The following ASTN2 variants were observed in gnomAD, a reference collection of about 807,000 sequenced individuals.
ASTN2 encodes astrotactin-2.
In ASTN2, 54 loss-of-function variants were observed where a neutral mutation model predicts 139.8. The ratio of observed to expected loss-of-function variants is 0.39; its 90% CI spans 0.31 to 0.48. The LOEUF (loss-of-function observed/expected upper bound fraction) is 0.48, where lower values mean the gene tolerates loss of function less well. ASTN2 is among the 20% of genes least tolerant of loss of function. The pLI is 0.95. For synonymous variants in ASTN2, 756 were observed against 719.5 expected, an observed-to-expected ratio of 1.05 and a Z score of -0.81; for missense variants, 1,565 against 1,725.1, an observed-to-expected ratio of 0.91 and a Z score of 1.64.
chr9:117,338,703 C>T (rs74901656), intron 1 of ASTN2, among the ~76,000 whole-genome samples: 2,588 of 152,072 alleles, frequency 0.017, 78 homozygotes, highest in African/African-American at 0.057. Context: ...GCACTGAATA[C>T]GGGTGGATTA....
chr9:117,347,869 G>C (rs1171210188), intron 1 of ASTN2, among the ~76,000 whole-genome samples: 1 of 152,118 alleles, frequency 6.6e-6, no homozygotes, highest in African/African-American at 2.4e-5. Flanking sequence ...TGAAGGCCTA[G>C]GGACCTAAGT....
chr9:116,650,143 G>A (rs941132858), intron 17 of ASTN2, among the ~76,000 whole-genome samples: 1 of 152,166 alleles, frequency 6.6e-6, no homozygotes, highest in African/African-American at 2.4e-5. Context: ...TCTACCAGTG[G>A]AGGCCCAGGG....
intron 6 of ASTN2, 140 bp downstream of exon 6, chr9:117,039,679 G>A: frequency 2.5e-6 from 2 of 792,468 alleles, no homozygotes; most frequent in Non-Finnish European, 3.5e-6. Context: ...CCTCTTCCAA[G>A]GTCTTTAGAT....
At chr9:116,642,791 AATCTAGTTATATTTT>A in intron 17 of ASTN2, among the ~76,000 whole-genome samples, 1 of 152,134 alleles carries the variant, frequency 6.6e-6, no homozygotes, top group Non-Finnish European at 1.5e-5. Context: ...CTAAGACTCA[AATCTAGTTATATTTT>A]TCCTTGACCT....
intron 22 of ASTN2, chr9:116,437,305 A>G: frequency 2.1e-6 from 1 of 471,308 alleles, no homozygotes. Context: ...TGAGCTTATT[A>G]GCAGCACCAG....
At chr9:116,896,510 G>T (rs1210388836) in intron 10 of ASTN2, among the ~76,000 whole-genome samples, 1 of 152,020 alleles carries the variant, frequency 6.6e-6, no homozygotes, top group Non-Finnish European at 1.5e-5. Context: ...GTAGAGACAG[G>T]GTTTCACCAT....
intron 10 of ASTN2, among the ~76,000 whole-genome samples, chr9:116,912,595 G>C (rs766344326): frequency 6.6e-6 from 1 of 152,226 alleles, no homozygotes; most frequent in Admixed American, 6.5e-5. Flanking sequence ...TCTTCCCCCT[G>C]AAGTGTATTT....
At chr9:116,577,958 T>C (rs1024208669) in intron 19 of ASTN2, among the ~76,000 whole-genome samples, 6 of 151,966 alleles carry the variant, frequency 3.9e-5, no homozygotes, top group Non-Finnish European at 2.9e-5. Context: ...GAGGAGATCA[T>C]TGGGGGATGC....
intron 1 of ASTN2, among the ~76,000 whole-genome samples, chr9:117,380,636 G>A (rs933035263): frequency 1.3e-5 from 2 of 151,984 alleles, no homozygotes; most frequent in African/African-American, 4.8e-5. Flanking sequence ...TCTGGTCAGG[G>A]GTGGGGCTGC....
intron 19 of ASTN2, among the ~76,000 whole-genome samples, chr9:116,555,924 G>A (rs1852591503): frequency 6.6e-6 from 1 of 152,140 alleles, no homozygotes; most frequent in Admixed American, 6.5e-5. Flanking sequence ...TGAGTATACT[G>A]ACCCATCATT....
intron 5 of ASTN2, among the ~76,000 whole-genome samples, chr9:117,063,667 G>A (rs1363080323): frequency 6.6e-6 from 1 of 152,170 alleles, no homozygotes; most frequent in Non-Finnish European, 1.5e-5. Context: ...GTATTGCAAT[G>A]CTTTTAGTCC....
At chr9:117,260,565 A>G (rs938922935) in intron 2 of ASTN2, among the ~76,000 whole-genome samples, 8 of 152,196 alleles carry the variant, frequency 5.3e-5, no homozygotes, top group African/African-American at 1.7e-4. Flanking sequence ...AACAACAGCA[A>G]TGGTGTTGAG....
rs2281627 is a variant in ASTN2 at position 116,700,910 on chromosome 9, T to C, written c.2806+24861A>G. 49,604 of 166,942 alleles carry C rather than the reference T, an allele frequency of 0.3. 8,331 individuals carry two copies. The highest frequency in any genetic ancestry group is 0.42 in the Admixed American group (6,491 of 15,280). The allele number at this position is 166,942 out of a possible 1,614,324, so 10.3% of individuals were successfully genotyped here. A position where few individuals can be genotyped will look rare whatever the true frequency, so the allele number is the denominator to read the frequency against. On this transcript the variant is annotated intron_variant, in intron 16 of 22. Coordinates refer to ENST00000313400, the MANE Select transcript of ASTN2 (RefSeq NM_001365068.1). ...AGCCAAAAGCACTATTATGTAAAGATAATAATCCAAATCTTTCTCCCAAAT... is the reference window on the plus strand; with the variant it reads ...AGCCAAAAGCACTATTATGTAAAGACAATAATCCAAATCTTTCTCCCAAAT...
intron 10 of ASTN2, among the ~76,000 whole-genome samples, chr9:116,956,883 T>G (rs10983434): frequency 0.18 from 26,814 of 152,024 alleles, 2,700 homozygotes; most frequent in African/African-American, 0.27. Flanking sequence ...ACAAAATAAG[T>G]GTAAGACTTC....
chr9:117,235,755 CTCTT>C (rs1265408529), intron 2 of ASTN2, among the ~76,000 whole-genome samples: 1 of 151,954 alleles, frequency 6.6e-6, no homozygotes, highest in East Asian at 1.9e-4. Flanking sequence ...TTCAATGCAA[CTCTT>C]TTTTTTTTAA....
chr9:117,149,043 G>A (rs184403544), intron 3 of ASTN2, among the ~76,000 whole-genome samples: 9 of 149,772 alleles, frequency 6.0e-5, no homozygotes, highest in East Asian at 5.9e-4. Context: ...TTTTTGAGAC[G>A]GAGTCTCACT....
At chr9:117,341,046 A>G (rs1179291152) in intron 1 of ASTN2, among the ~76,000 whole-genome samples, 1 of 152,210 alleles carries the variant, frequency 6.6e-6, no homozygotes, top group Admixed American at 6.5e-5. Context: ...CCTTGATTAC[A>G]AGGTCAAAGT....
chr9:116,882,714 C>T (rs769004455), intron 10 of ASTN2, among the ~76,000 whole-genome samples: 2 of 152,086 alleles, frequency 1.3e-5, no homozygotes, highest in Non-Finnish European at 2.9e-5. Context: ...ATGATCCCAG[C>T]ACTCTGGGAG....
At chr9:116,433,028 G>A (rs1588052528) in intron 22 of ASTN2, among the ~76,000 whole-genome samples, 1 of 152,186 alleles carries the variant, frequency 6.6e-6, no homozygotes, top group Non-Finnish European at 1.5e-5. Flanking sequence ...TCAGTCCTTA[G>A]CTTTCAAAAC....
Sources: allele counts gnomAD v4.1 joint callset (sites outside exome capture counted in the v4.1 genomes callset), GRCh38; gene constraint gnomAD v4.1.1; transcripts MANE v1.5; gene names NCBI Gene and HGNC (gene_info 2026-07-23, HGNC 2026-07-21).